The following SHISA9 variants were observed in gnomAD, a reference collection of about 807,000 sequenced individuals.
SHISA9 encodes shisa family member 9.
A neutral mutation model predicts 38.0 loss-of-function variants in SHISA9; 13 were observed. The ratio of observed to expected loss-of-function variants is 0.34; its 90% CI spans 0.22 to 0.54. The LOEUF (loss-of-function observed/expected upper bound fraction) is 0.54, where lower values mean the gene tolerates loss of function less well. SHISA9 is among the 20% of genes least tolerant of loss of function. The probability of loss-of-function intolerance (pLI) is 0.91; values close to 1 mark genes in which losing one functional copy is unlikely to be tolerated. For synonymous variants in SHISA9, 275 were observed against 242.0 expected (o/e 1.14, Z -1.27); for missense variants, 538 against 575.8 (o/e 0.93, Z 0.67).
chr16:13,278,632 A>T, the SHISA9 span, among the ~76,000 whole-genome samples: 26 of 151,886 alleles, frequency 1.7e-4, no homozygotes, highest in Admixed American at 7.9e-4. Context: ...ATTCTTCCTG[A>T]TTTAAGCTAG....
intron 2 of SHISA9, among the ~76,000 whole-genome samples, chr16:13,015,992 T>A (rs1377175492): frequency 1.9e-4 from 1 of 5,342 alleles, no homozygotes; most frequent in African/African-American, 5.4e-4. Context: ...TTCCCTTCTT[T>A]TCTTTTCTTC....
chr16:13,223,468 T>C (rs1415596517), intron 4 of SHISA9, among the ~76,000 whole-genome samples: 2 of 152,138 alleles, frequency 1.3e-5, no homozygotes, highest in African/African-American at 2.4e-5. Flanking sequence ...AACTGGTGCA[T>C]TGAATCCTTC....
At chr16:13,005,632 C>T (rs934691095) in intron 2 of SHISA9, among the ~76,000 whole-genome samples, 7 of 152,124 alleles carry the variant, frequency 4.6e-5, no homozygotes, top group African/African-American at 1.7e-4. Flanking sequence ...ATCTGGGTAC[C>T]TTCTCATCCC....
intron 2 of SHISA9, among the ~76,000 whole-genome samples, chr16:13,087,619 G>C (rs969553922): frequency 6.6e-6 from 1 of 152,174 alleles, no homozygotes; most frequent in African/African-American, 2.4e-5. Context: ...CTGCATAGAC[G>C]TCTTCTTTTG....
At chr16:13,469,385 G>C in the SHISA9 span, among the ~76,000 whole-genome samples, 3 of 91,326 alleles carry the variant, frequency 3.3e-5, no homozygotes, top group African/African-American at 1.3e-4. Context: ...AAGAAAGAAA[G>C]AAAGAAAGAA....
chr16:13,452,598 TCCTACTA>T, the SHISA9 span, among the ~76,000 whole-genome samples: 1 of 152,162 alleles, frequency 6.6e-6, no homozygotes, highest in African/African-American at 2.4e-5. Flanking sequence ...TGCATCCTCT[TCCTACTA>T]CTTTGGGCAA....
the SHISA9 span, among the ~76,000 whole-genome samples, chr16:13,267,096 A>T: frequency 6.6e-6 from 1 of 152,204 alleles, no homozygotes; most frequent in African/African-American, 2.4e-5. Flanking sequence ...TTGTATTTTT[A>T]AAAATGTCTT....
the SHISA9 span, among the ~76,000 whole-genome samples, chr16:13,511,509 A>T: frequency 1.3e-5 from 2 of 152,202 alleles, no homozygotes; most frequent in African/African-American, 4.8e-5. Context: ...TACCTGAAAC[A>T]ACTTAAAAAT....
At chr16:13,288,445 G>GA in the SHISA9 span, among the ~76,000 whole-genome samples, 1 of 151,854 alleles carries the variant, frequency 6.6e-6, no homozygotes, top group Admixed American at 6.6e-5. Context: ...GAGAGAGAGA[G>GA]AAAAAGGGAG....
intron 2 of SHISA9, among the ~76,000 whole-genome samples, chr16:13,068,984 T>C (rs2073470494): frequency 6.6e-6 from 1 of 152,162 alleles, no homozygotes; most frequent in East Asian, 1.9e-4. Context: ...TATATGTGTG[T>C]ACATGCAATG....
At chr16:13,110,075 A>T (rs1486168634) in intron 2 of SHISA9, among the ~76,000 whole-genome samples, 1 of 152,212 alleles carries the variant, frequency 6.6e-6, no homozygotes, top group Non-Finnish European at 1.5e-5. Context: ...CAAGAAAGGA[A>T]TAGCTTGGTT....
At chr16:13,346,160 C>T in the SHISA9 span, among the ~76,000 whole-genome samples, 1 of 152,188 alleles carries the variant, frequency 6.6e-6, no homozygotes, top group Non-Finnish European at 1.5e-5. Flanking sequence ...TTCCATGCTC[C>T]ATGTCCATGC....
At chr16:13,362,259 C>A in the SHISA9 span, among the ~76,000 whole-genome samples, 8 of 138,644 alleles carry the variant, frequency 5.8e-5, no homozygotes, top group Non-Finnish European at 1.1e-4. Flanking sequence ...ACAGCAACAA[C>A]AAAAAAAACC....
chr16:13,094,475 C>T (rs2141951266), intron 2 of SHISA9, among the ~76,000 whole-genome samples: 1 of 152,084 alleles, frequency 6.6e-6, no homozygotes, highest in African/African-American at 2.4e-5. Flanking sequence ...AAAAAAATCC[C>T]CCAAACTAAT....
chr16:13,559,338 G>A, the SHISA9 span, among the ~76,000 whole-genome samples: 1 of 151,714 alleles, frequency 6.6e-6, no homozygotes, highest in Non-Finnish European at 1.5e-5. Flanking sequence ...GCAAACTGGG[G>A]TCAAAGCAAG....
At chr16:13,165,020 C>A (rs1195207949) in intron 2 of SHISA9, among the ~76,000 whole-genome samples, 1 of 152,000 alleles carries the variant, frequency 6.6e-6, no homozygotes, top group Non-Finnish European at 1.5e-5. Context: ...TTTATGATTT[C>A]TGGTTGGTTT....
the SHISA9 span, among the ~76,000 whole-genome samples, chr16:13,391,509 C>T: frequency 3.3e-5 from 5 of 152,134 alleles, no homozygotes; most frequent in Admixed American, 6.5e-5. Context: ...GAATCTATGC[C>T]GTGCCATCTG....
chr16:13,313,396 G>A, the SHISA9 span, among the ~76,000 whole-genome samples: 1 of 152,198 alleles, frequency 6.6e-6, no homozygotes, highest in South Asian at 2.1e-4. Context: ...ATATGTGTTT[G>A]GAGATGGTGG....
the SHISA9 span, among the ~76,000 whole-genome samples, chr16:13,421,735 C>T: frequency 6.6e-6 from 1 of 152,318 alleles, no homozygotes; most frequent in Admixed American, 6.5e-5. Flanking sequence ...ATTTGACACA[C>T]AGTAAGTATC....
Sources: gnomAD v4.1 joint callset for allele counts (sites outside exome capture counted in the v4.1 genomes callset) on GRCh38, gnomAD v4.1.1 for gene constraint, MANE v1.5 for transcripts, NCBI Gene and HGNC (gene_info 2026-07-23, HGNC 2026-07-21) for gene names.